The following SNRK variants were observed in gnomAD, a reference collection of about 807,000 sequenced individuals.
SNRK encodes SNF-related serine/threonine-protein kinase.
Under a neutral mutation model 48.2 loss-of-function variants are expected in SNRK, and 3 were observed. The ratio of observed to expected loss-of-function variants is 0.06; its 90% CI spans 0.03 to 0.16. SNRK has a LOEUF of 0.16. Ranked by LOEUF, SNRK falls within the 10% of genes least tolerant of loss-of-function variation. The pLI is 1.00. For synonymous variants in SNRK, 376 were observed against 366.1 expected (o/e 1.03, Z -0.31); for missense variants, 627 against 976.0 (o/e 0.64, Z 4.76).
rs2091295425 is a variant in SNRK at position 43,348,318 on chromosome 3, ATG to A, written c.2062_2063del (p.Cys688HisfsTer2). 2 of 1,613,252 alleles carry A rather than the reference ATG, an allele frequency of 1.2e-6. No individual in the cohort carries two copies. The highest frequency in any genetic ancestry group is 1.7e-6 in the Non-Finnish European group (2 of 1,179,548). On this transcript the variant is annotated frameshift_variant, in exon 7 of 7. Coordinates refer to ENST00000296088, the MANE Select transcript of SNRK (RefSeq NM_017719.5). LOFTEE classifies it high-confidence loss of function. ...AGTCCAAGAGAAATCTACGTGGAAA[ATG>A]TGCATTAGCTCCACAGGGAATGCAG... ...VKVQEKSTWK[M>X]CISSTGNAGQ...
rs752627316 is a variant in SNRK at position 43,340,514 on chromosome 3, G to C, written c.944+15G>C. The C allele has an allele frequency of 1.9e-6, 3 of 1,608,756 alleles. No individual in the cohort carries two copies. Among genetic ancestry groups the C allele is most frequent in the South Asian group, 2.2e-5 (2 of 90,922 alleles). ...GCCATTGTAGAGTACGTCAATGCCC[G>C]TCAGTACAGAGGGCCACAGGTTTAG... On this transcript the variant is annotated intron_variant, in intron 5 of 6. Coordinates refer to ENST00000296088, the MANE Select transcript of SNRK (RefSeq NM_017719.5).
At chr3:43,332,108 C>A in intron 3 of SNRK, 61 bp from the exon 4 acceptor site, 1 of 1,256,186 alleles carries the variant, frequency 8.0e-7, no homozygotes, top group Non-Finnish European at 1.1e-6. Flanking sequence ...TGTTAGCGCA[C>A]TTTTAATGTT....
intron 3 of SNRK, among the ~76,000 whole-genome samples, chr3:43,326,338 G>C (rs2091096369): frequency 6.6e-6 from 1 of 151,834 alleles, no homozygotes; most frequent in Non-Finnish European, 1.5e-5. Context: ...CTAAAACTCT[G>C]CTTTAGCTGT....
At chr3:43,307,576 A>G (rs192763670) in intron 3 of SNRK, among the ~76,000 whole-genome samples, 190 of 152,280 alleles carry the variant, frequency 1.2e-3, no homozygotes, top group African/African-American at 4.5e-3. Flanking sequence ...CTTTAATGTT[A>G]CTATTGTAGT....
At position 43,349,654 on chromosome 3, in the gene SNRK, CTT is replaced by C. The variant is rs928818252; in HGVS notation, c.*1104_*1105del. 3 of 152,126 alleles carry C rather than the reference CTT, an allele frequency of 2.0e-5. No homozygotes were observed. The highest frequency in any genetic ancestry group is 7.2e-5 in the African/African-American group (3 of 41,420). 9.4% of individuals were successfully genotyped at this position (152,126 alleles called of 1,614,324 possible). A position where few individuals can be genotyped will look rare whatever the true frequency, so the allele number is the denominator to read the frequency against. On this transcript the variant is annotated 3_prime_UTR_variant, in exon 7 of 7. Coordinates refer to ENST00000296088, the MANE Select transcript of SNRK (RefSeq NM_017719.5). Reference sequence around the variant, plus strand: ...AAAATGCACAAAGCCTGCTTCGTAACTTTTTTTTCTGGAATTGTTTTTCACTT... The same window carrying C: ...AAAATGCACAAAGCCTGCTTCGTAACTTTTTTCTGGAATTGTTTTTCACTT...
rs1426495654 is a variant in SNRK at position 43,303,724 on chromosome 3, G to T, written c.521G>T (p.Ser174Ile). ...CAACCAGGGAAGAAGCTCACTACAAGCTGTGGATCTCTTGCATATTCCGCT... is the reference window on the plus strand; with the variant it reads ...CAACCAGGGAAGAAGCTCACTACAATCTGTGGATCTCTTGCATATTCCGCT... ...KFQPGKKLTT[S>I]CGSLAYSAPE... The change falls in exon 3 of 7, where the codon AGC becomes ATC. Residue 174 changes from serine (S) to isoleucine (I), a missense_variant. Transcript: ENST00000296088. This position sits in a 1 kb window ranked among gnomAD's most constrained non-coding sequence, Gnocchi z 6.2. The T allele has an allele frequency of 6.2e-7, 1 of 1,614,014 alleles. No individual in the cohort carries two copies. Among genetic ancestry groups the T allele is most frequent in the Non-Finnish European group, 8.5e-7 (1 of 1,180,012 alleles).
Position 43,347,683 on chromosome 3 carries a change from A to G in SNRK, c.1424A>G (p.Asn475Ser). ...TTGCGCCGGAAGCCATCTGTAACCA[A>G]CCGCCTGACATCCAGGAAGAGTGCG... ...VVLRRKPSVT[N>S]RLTSRKSAPV... The change falls in exon 7 of 7, where the codon AAC becomes AGC. Residue 475 changes from asparagine (N) to serine (S), a missense_variant. Physicochemically the swap from Asn to Ser is conservative, Grantham distance 46. This residue lies in a region of SNRK where 98 missense variants were observed against 175.2 expected (regional missense o/e 0.56). Transcript: ENST00000296088. This position sits in a 1 kb window ranked among gnomAD's most constrained non-coding sequence, Gnocchi z 5.4. 9 of 1,613,764 alleles carry G rather than the reference A, an allele frequency of 5.6e-6. No individual in the cohort carries two copies. Among genetic ancestry groups the G allele is most frequent in the Non-Finnish European group, 6.8e-6 (8 of 1,180,010 alleles).
At chr3:43,321,087 C>G (rs1245319345) in intron 3 of SNRK, among the ~76,000 whole-genome samples, 1 of 151,994 alleles carries the variant, frequency 6.6e-6, no homozygotes, top group Non-Finnish European at 1.5e-5. Context: ...GCCCTGTATC[C>G]CATTCAAGGC....
intron 3 of SNRK, among the ~76,000 whole-genome samples, chr3:43,319,275 T>C (rs2091035814): frequency 6.6e-6 from 1 of 152,174 alleles, no homozygotes; most frequent in Non-Finnish European, 1.5e-5. Flanking sequence ...ATTTAATATT[T>C]TTAAAATTTT....
chr3:43,303,090 T>C lies in SNRK; in HGVS notation c.-106-8T>C. 1 of 640,200 alleles carries C rather than the reference T, an allele frequency of 1.6e-6. No individual in the cohort carries two copies. The highest frequency in any genetic ancestry group is 2.9e-5 in the East Asian group (1 of 33,960). The allele number at this position is 640,200 out of a possible 1,614,324, so 39.7% of individuals were successfully genotyped here. A position where few individuals can be genotyped will look rare whatever the true frequency, so the allele number is the denominator to read the frequency against. ...AAACTTAATTTTGTTTCTCTTCTTA[T>C]TTTGTAGATATCCATGACGACATTG... On this transcript the variant is annotated splice_polypyrimidine_tract_variant and splice_region_variant and intron_variant, in intron 2 of 6. Transcript: ENST00000296088. The surrounding 1 kb of genome is among the most constrained non-coding windows in gnomAD (Gnocchi z 6.2).
At position 43,343,393 on chromosome 3, in the gene SNRK, C is replaced by T. The variant is rs774039964; in HGVS notation, c.994C>T (p.Leu332=). The T allele has an allele frequency of 1.2e-6, 2 of 1,614,132 alleles. No homozygotes were observed. Among genetic ancestry groups the T allele is most frequent in the East Asian group, 4.5e-5 (2 of 44,882 alleles). The change falls in exon 6 of 7, where the codon CTG becomes TTG. Residue 332 remains leucine (L), a synonymous_variant. Coordinates refer to ENST00000296088, the MANE Select transcript of SNRK (RefSeq NM_017719.5). ...CCATATCACAGCCACATACTTCCTG[C>T]TGGCTGAAAGGATCCTGAGAGAAAA... ...YNHITATYFL[L]AERILREKQE...
chr3:43,341,994 A>G (rs1327580491), intron 5 of SNRK, among the ~76,000 whole-genome samples: 4 of 152,220 alleles, frequency 2.6e-5, no homozygotes, highest in African/African-American at 9.6e-5. Context: ...TGGAGACGGG[A>G]CACTTGCTGT....
chr3:43,308,383 G>A (rs1005085310), intron 3 of SNRK, among the ~76,000 whole-genome samples: 1 of 152,182 alleles, frequency 6.6e-6, no homozygotes, highest in Admixed American at 6.5e-5. Flanking sequence ...AGCTAGAGAG[G>A]AGAAGTCAAT....
intron 1 of SNRK, among the ~76,000 whole-genome samples, chr3:43,294,764 AT>A (rs1239224545): frequency 1.3e-5 from 2 of 148,358 alleles, no homozygotes; most frequent in African/African-American, 5.0e-5. Context: ...TTTTTTGACC[AT>A]TTTTTAATGA....
intron 3 of SNRK, among the ~76,000 whole-genome samples, chr3:43,310,474 G>A (rs2090971444): frequency 6.6e-6 from 1 of 151,898 alleles, no homozygotes; most frequent in Admixed American, 6.6e-5. Context: ...GCTTGTGTTT[G>A]TCTGTAATAA....
Position 43,340,313 on chromosome 3 carries a change from A to G in SNRK, c.758A>G (p.Asp253Gly). Reference protein sequence around the residue: ...KDLITRMLQRDPKRRASLEEI... With the variant: ...KDLITRMLQRGPKRRASLEEI... ...CTAATCACACGGATGCTACAGAGAG[A>G]TCCCAAGAGAAGGGCTTCTTTAGAA... The change falls in exon 5 of 7, where the codon GAT (aspartate) becomes GGT (glycine). Residue 253 changes from aspartate (D) to glycine (G), a missense_variant. Asp to Gly is a moderately conservative substitution (Grantham distance 94). This residue lies in a region of SNRK where 147 missense variants were observed against 356.8 expected (regional missense o/e 0.41). Transcript: ENST00000296088. 1 of 1,614,110 alleles carries G rather than the reference A, an allele frequency of 6.2e-7. No individual in the cohort carries two copies. The highest frequency in any genetic ancestry group is 8.5e-7 in the Non-Finnish European group (1 of 1,179,996).
rs1163137184 is a variant in SNRK, at chr3:43,296,664, A to C, written c.-168-3090A>C. Among the ~76,000 whole-genome samples the C allele has an allele frequency of 2.0e-5, 3 of 151,858 alleles. No homozygotes were observed. The South Asian group carries it at 6.2e-4, about 31-fold the overall frequency. ...TTGTTGAGCATACTGTTTTGTCCCTACCTCTCTCTAAGAGGTGTGAGGAAG... is the reference window on the plus strand; with the variant it reads ...TTGTTGAGCATACTGTTTTGTCCCTCCCTCTCTCTAAGAGGTGTGAGGAAG... On this transcript the variant is annotated intron_variant, in intron 1 of 6. Transcript: ENST00000296088.
chr3:43,345,266 G>A lies in SNRK; in HGVS notation c.1079+1788G>A, dbSNP rs545125540. Among the ~76,000 whole-genome samples the A allele has an allele frequency of 2.5e-4, 38 of 152,264 alleles. No homozygotes were observed. In the South Asian group the frequency reaches 5.6e-3, roughly 22 times the overall value. On this transcript the variant is annotated intron_variant, in intron 6 of 6. Transcript: ENST00000296088. ...GCCTTCTCTTTGTTGTCACTGTAAC[G>A]TTATCGACAAGACCCTGGACCTCCC...
intron 6 of SNRK, among the ~76,000 whole-genome samples, chr3:43,345,567 G>A (rs549408764): frequency 1.3e-5 from 2 of 152,264 alleles, no homozygotes; most frequent in African/African-American, 4.8e-5. Flanking sequence ...CAAGCAGTTC[G>A]GTAGGCAGAA....
Sources: gnomAD v4.1 joint callset for allele counts (sites outside exome capture counted in the v4.1 genomes callset) on GRCh38, gnomAD v4.1.1 for gene constraint, gnomAD v4.1.1 regional missense constraint, Gnocchi (gnomAD v3.1) non-coding constraint, MANE v1.5 for transcripts, NCBI Gene and HGNC (gene_info 2026-07-23, HGNC 2026-07-21) for gene names.